Variants in FBN2 observed in about 807,000 individuals in gnomAD.
The protein encoded by FBN2 is fibrillin-2.
A neutral mutation model predicts 355.6 loss-of-function variants in FBN2; 105 were observed. That is an observed-to-expected ratio of 0.30 (90% CI 0.25 to 0.35). The LOEUF (loss-of-function observed/expected upper bound fraction) is 0.35. FBN2 is among the 10% of genes least tolerant of loss of function. The pLI is 1.00. For missense variants in FBN2, 3,280 were observed against 3,758.7 expected (o/e 0.87, Z 3.33); for synonymous variants, 1,350 against 1,301.2 (o/e 1.04, Z -0.81).
chr5:128,512,961 T>C (rs1305346613), intron 5 of FBN2, among the ~76,000 whole-genome samples: 1 of 152,200 alleles, frequency 6.6e-6, no homozygotes, highest in Non-Finnish European at 1.5e-5. Context: ...ATATTATATA[T>C]GTACAAACAG....
chr5:128,453,952 G>A (rs929276538), intron 6 of FBN2, among the ~76,000 whole-genome samples: 1 of 152,050 alleles, frequency 6.6e-6, no homozygotes, highest in African/African-American at 2.4e-5. Context: ...AGTGTCTCTG[G>A]GATGGAAGAC....
rs569800460 is a variant in FBN2, at chr5:128,389,706, T to C, written c.1603+2312A>G. Among the ~76,000 whole-genome samples the C allele has an allele frequency of 6.6e-5, 10 of 152,308 alleles. No homozygotes were observed. The East Asian group carries it at 1.4e-3, about 21-fold the overall frequency. ...AGCTCTCCCATGTCTCAAATGTCCA[T>C]GGAGGTTGTAAGATCTTCTGCAGGT... On this transcript the variant is annotated intron_variant, in intron 11 of 64. Coordinates refer to ENST00000262464, the MANE Select transcript of FBN2 (RefSeq NM_001999.4).
intron 40 of FBN2, among the ~76,000 whole-genome samples, chr5:128,309,604 A>G (rs1749977162): frequency 6.6e-6 from 1 of 152,170 alleles, no homozygotes; most frequent in Admixed American, 6.5e-5. Context: ...GTTTTCACTT[A>G]TAATTTTCTT....
chr5:128,437,785 GATA>G (rs1753809308), intron 7 of FBN2, among the ~76,000 whole-genome samples: 3 of 87,276 alleles, frequency 3.4e-5, no homozygotes, highest in African/African-American at 6.9e-5. Context: ...TAGATAGATA[GATA>G]GATAGATAGA....
At chr5:128,344,861 C>T (rs947860729) in intron 24 of FBN2, among the ~76,000 whole-genome samples, 15 of 152,160 alleles carry the variant, frequency 9.9e-5, no homozygotes, top group Middle Eastern at 3.4e-3. Flanking sequence ...CCACCACGCC[C>T]GGCTAATTTT....
Position 128,305,183 on chromosome 5 carries a change from G to A in FBN2, c.5675-101C>T, listed in dbSNP as rs550365604. On this transcript the variant is annotated intron_variant, in intron 44 of 64. Transcript: ENST00000262464. ...TCTAATCTGCTATTAATTATTATAG[G>A]CAGGCTGAAAATGAACCATAACAAC... 7.6e-6 allele frequency: 8 copies of A among 1,046,350 alleles called. No individual in the cohort carries two copies. The South Asian group carries it at 8.3e-5, about 11-fold the overall frequency. 64.8% of individuals were successfully genotyped at this position (1,046,350 alleles called of 1,614,324 possible). A position where few individuals can be genotyped will look rare whatever the true frequency, so the allele number is the denominator to read the frequency against.
chr5:128,537,975 A>T lies in FBN2; in HGVS notation c.-372T>A, dbSNP rs1057179785. On this transcript the variant is annotated 5_prime_UTR_variant, in exon 1 of 65. In the 5' UTR this introduces an upstream ATG that the reference lacks. Transcript: ENST00000262464. ...AAAATTTCAAAAAATGTGAACCTCA[A>T]AAGAAAAAAGGGCCTGCACGCAGAG... 23 of 304,750 alleles carry T rather than the reference A, an allele frequency of 7.5e-5. No homozygotes were observed. Among genetic ancestry groups the T allele is most frequent in the Non-Finnish European group, 1.0e-4 (17 of 165,170 alleles). 18.9% of individuals were successfully genotyped at this position (304,750 alleles called of 1,614,324 possible).
intron 34 of FBN2, 28 bp downstream of exon 34, chr5:128,328,668 A>C (rs534119959): frequency 6.2e-7 from 1 of 1,613,328 alleles, no homozygotes; most frequent in South Asian, 1.1e-5. Context: ...ATCCAACTTG[A>C]AAATGAGTTG....
At chr5:128,457,522 T>C (rs1469843965) in intron 6 of FBN2, among the ~76,000 whole-genome samples, 1 of 152,088 alleles carries the variant, frequency 6.6e-6, no homozygotes, top group Non-Finnish European at 1.5e-5. Flanking sequence ...AAGGTTGAAA[T>C]GAAGGAAAAA....
chr5:128,447,635 C>A (rs897939774), intron 6 of FBN2, among the ~76,000 whole-genome samples: 11 of 152,174 alleles, frequency 7.2e-5, no homozygotes, highest in African/African-American at 2.7e-4. Context: ...GCCCTGCCTC[C>A]ATTTGTCTTG....
At chr5:128,365,688 T>C (rs1312205654) in intron 17 of FBN2, among the ~76,000 whole-genome samples, 3 of 150,156 alleles carry the variant, frequency 2.0e-5, no homozygotes, top group African/African-American at 4.9e-5. Context: ...TTATATATAC[T>C]CTTCATATAT....
chr5:128,344,008 A>T (rs1442420348), intron 25 of FBN2, among the ~76,000 whole-genome samples: 1 of 152,224 alleles, frequency 6.6e-6, no homozygotes, highest in African/African-American at 2.4e-5. Context: ...ATGCAGGAGG[A>T]CCACTTGAAG....
At position 128,386,428 on chromosome 5, in the gene FBN2, T is replaced by C. The variant is rs116300698; in HGVS notation, c.1603+5590A>G. 0.053 allele frequency among the ~76,000 whole-genome samples: 8,131 copies of C among 152,196 alleles called. 940 individuals are homozygous for C. In the East Asian group the frequency reaches 0.55, roughly 10 times the overall value. On this transcript the variant is annotated intron_variant, in intron 11 of 64. Coordinates refer to ENST00000262464, the MANE Select transcript of FBN2 (RefSeq NM_001999.4). ...TGTACTGTTTTGGTAGCTGTTGCCT[T>C]GTAGTATAGTTTAAAGTCAGGTAGT... is the stretch of plus-strand genomic sequence containing the variant.
At chr5:128,433,061 C>T (rs1753666337) in intron 7 of FBN2, among the ~76,000 whole-genome samples, 1 of 152,066 alleles carries the variant, frequency 6.6e-6, no homozygotes, top group Admixed American at 6.6e-5. Flanking sequence ...CCACCAAGTC[C>T]TTCCTTCAAC....
In FBN2 at chr5:128,272,118, T is replaced by A. The variant is rs1368851518; in HGVS notation, c.7841A>T (p.Asp2614Val). 4.3e-6 allele frequency: 7 copies of A among 1,613,874 alleles called. No individual in the cohort carries two copies. In the South Asian group the frequency reaches 7.7e-5, roughly 18 times the overall value. Reference sequence around the variant, plus strand: ...GTGGTTCCCATCACATTCATCAACATCTGCAAAAACAAGCCCGGCAAAACC... The same window carrying A: ...GTGGTTCCCATCACATTCATCAACAACTGCAAAAACAAGCCCGGCAAAACC... ...SLDATGLNCE[D>V]VDECDGNHRC... Residue 2614 changes from aspartate to valine, a missense_variant and splice_region_variant, in exon 62 of 65, where the codon GAT becomes GTT. By Grantham distance (152) the Asp-to-Val change is radical. Transcript: ENST00000262464.
At chr5:128,408,082 G>T (rs1051556870) in intron 8 of FBN2, among the ~76,000 whole-genome samples, 6 of 152,164 alleles carry the variant, frequency 3.9e-5, no homozygotes, top group Admixed American at 3.9e-4. Context: ...GGAAATGTGA[G>T]GGTAGCTCAC....
In FBN2 at chr5:128,289,159, T is replaced by C; in HGVS notation, c.6605A>G (p.Tyr2202Cys). Residue 2202 changes from tyrosine to cysteine, a missense_variant, in exon 52 of 65, where the codon TAC becomes TGC. By Grantham distance (194) the Tyr-to-Cys change is radical. Around this residue, in one of 6 missense-constraint regions of FBN2, gnomAD observed 2,284 missense variants for 2,749.5 expected, o/e 0.83. Coordinates refer to ENST00000262464, the MANE Select transcript of FBN2 (RefSeq NM_001999.4). ...GCGTACTCCAGTGTAGTCAAGGTTG[T>C]AGCCCATTGGACATTCACAGCGAAA... ...GSFRCECPMG[Y>C]NLDYTGVRCV... 6.2e-7 allele frequency: 1 copy of C among 1,613,970 alleles called. No individual in the cohort carries two copies. The highest frequency in any genetic ancestry group is 8.5e-7 in the Non-Finnish European group (1 of 1,179,896).
At chr5:128,339,336 A>G (rs1243153610) in intron 25 of FBN2, 9 of 397,888 alleles carry the variant, frequency 2.3e-5, no homozygotes, top group Non-Finnish European at 3.4e-5. Flanking sequence ...GTAACAGAAA[A>G]GGGGGGCATG....
chr5:128,289,350 G>A lies in FBN2; in HGVS notation c.6512-98C>T, dbSNP rs153975. 11 of 1,225,548 alleles carry A rather than the reference G, an allele frequency of 9.0e-6. No homozygotes were observed. In the East Asian group the frequency reaches 1.4e-4, roughly 16 times the overall value. 75.9% of individuals were successfully genotyped at this position (1,225,548 alleles called of 1,614,324 possible). On this transcript the variant is annotated intron_variant, in intron 51 of 64. Coordinates refer to ENST00000262464, the MANE Select transcript of FBN2 (RefSeq NM_001999.4). ...ATAAATCCCAGCACTTTGGGAGGCC[G>A]AGGTGGGTGGATCACCTGAGGTCAG...
Sources: gnomAD v4.1 joint callset for allele counts (sites outside exome capture counted in the v4.1 genomes callset) on GRCh38, gnomAD v4.1.1 for gene constraint, gnomAD v4.1.1 regional missense constraint, MANE v1.5 for transcripts, NCBI Gene and HGNC (gene_info 2026-07-23, HGNC 2026-07-21) for gene names.